SLC35D4: variants seen among roughly 807,000 people sequenced by gnomAD.
SLC35D4 encodes the protein solute carrier family 35 member D4.
chr18:23,278,026 G>A, the SLC35D4 span, among the ~76,000 whole-genome samples: 52 of 152,308 alleles, frequency 3.4e-4, no homozygotes, highest in Admixed American at 3.3e-3. Flanking sequence ...CAAGTCAGGA[G>A]GCTAGCCCAA....
the SLC35D4 span, among the ~76,000 whole-genome samples, chr18:23,410,524 G>A: frequency 6.6e-6 from 1 of 151,412 alleles, no homozygotes; most frequent in Non-Finnish European, 1.5e-5. Flanking sequence ...GGGGCTGGGG[G>A]CTGGGCGTAG....
chr18:23,283,341 C>T, the SLC35D4 span, among the ~76,000 whole-genome samples: 3 of 151,384 alleles, frequency 2.0e-5, no homozygotes, highest in African/African-American at 7.3e-5. Flanking sequence ...ATTAGCCAGG[C>T]ATGGTGGTGC....
the SLC35D4 span, among the ~76,000 whole-genome samples, chr18:23,301,490 A>G: frequency 6.6e-6 from 1 of 152,222 alleles, no homozygotes; most frequent in African/African-American, 2.4e-5. Flanking sequence ...CAAAGATTAT[A>G]TACGATCATT....
At chr18:23,300,401 T>A in the SLC35D4 span, among the ~76,000 whole-genome samples, 1 of 152,120 alleles carries the variant, frequency 6.6e-6, no homozygotes, top group Non-Finnish European at 1.5e-5. Context: ...CTCGGACATT[T>A]TATACACTTT....
chr18:23,345,210 G>A, the SLC35D4 span, among the ~76,000 whole-genome samples: 4 of 152,118 alleles, frequency 2.6e-5, no homozygotes, highest in Admixed American at 1.3e-4. Context: ...CTGGCCAGGC[G>A]CAGTGGCTCA....
the SLC35D4 span, among the ~76,000 whole-genome samples, chr18:23,397,582 T>C: frequency 6.6e-6 from 1 of 152,218 alleles, no homozygotes; most frequent in Non-Finnish European, 1.5e-5. Context: ...CCAAGACTTT[T>C]CAGTTATATG....
At chr18:23,251,914 A>C in the SLC35D4 span, among the ~76,000 whole-genome samples, 1 of 152,034 alleles carries the variant, frequency 6.6e-6, no homozygotes, top group South Asian at 2.1e-4. Context: ...GGTGAAACTC[A>C]GTCTCTCTTA....
At chr18:23,284,068 TTAGCATGCTAATG>T in the SLC35D4 span, among the ~76,000 whole-genome samples, 1 of 152,212 alleles carries the variant, frequency 6.6e-6, no homozygotes, top group East Asian at 1.9e-4. Flanking sequence ...AGAGTGTGTT[TTAGCATGCTAATG>T]TATTATAATT....
chr18:23,377,552 T>A, the SLC35D4 span: 1 of 1,213,412 alleles, frequency 8.2e-7, no homozygotes, highest in Non-Finnish European at 1.1e-6. Flanking sequence ...TTCTGCCACC[T>A]CTTAGAGTAT....
chr18:23,364,413 CTCCACG>C, the SLC35D4 span, among the ~76,000 whole-genome samples: 1 of 152,192 alleles, frequency 6.6e-6, no homozygotes, highest in African/African-American at 2.4e-5. Context: ...TTGCACCACA[CTCCACG>C]AAGCCACAAG....
the SLC35D4 span, among the ~76,000 whole-genome samples, chr18:23,350,673 A>G: frequency 1.3e-5 from 2 of 152,034 alleles, no homozygotes; most frequent in African/African-American, 4.8e-5. Flanking sequence ...AGGACTATCA[A>G]CTCAAGCTAG....
chr18:23,267,561 T>C, the SLC35D4 span, among the ~76,000 whole-genome samples: 3 of 152,164 alleles, frequency 2.0e-5, no homozygotes, highest in Non-Finnish European at 4.4e-5. Context: ...ACAGTTGCTC[T>C]TCCTGCTGCC....
the SLC35D4 span, among the ~76,000 whole-genome samples, chr18:23,408,540 G>C: frequency 1.3e-5 from 2 of 152,174 alleles, no homozygotes; most frequent in African/African-American, 4.8e-5. Context: ...GCTCTGAACA[G>C]AATTGCTGGT....
the SLC35D4 span, among the ~76,000 whole-genome samples, chr18:23,321,831 T>TA: frequency 6.6e-6 from 1 of 152,172 alleles, no homozygotes; most frequent in Non-Finnish European, 1.5e-5. Flanking sequence ...TTAATTAGCT[T>TA]AAAAAAATCA....
the SLC35D4 span, among the ~76,000 whole-genome samples, chr18:23,273,034 A>T: frequency 1.3e-5 from 2 of 152,190 alleles, no homozygotes; most frequent in African/African-American, 4.8e-5. Flanking sequence ...GTGAGCCGCA[A>T]TCAGCCTGGT....
chr18:23,356,701 G>A, the SLC35D4 span: 27 of 1,600,506 alleles, frequency 1.7e-5, no homozygotes, highest in African/African-American at 3.6e-4. The surrounding 1 kb of genome is among the most constrained non-coding windows in gnomAD (Gnocchi z 4.1). Flanking sequence ...TGACCCATGA[G>A]GCCTCACATG....
At chr18:23,365,784 T>C in the SLC35D4 span, 1 of 1,107,438 alleles carries the variant, frequency 9.0e-7, no homozygotes, top group Middle Eastern at 2.0e-4. Flanking sequence ...TTATCTGCAC[T>C]GACTCACTCT....
At chr18:23,348,248 G>A in the SLC35D4 span, among the ~76,000 whole-genome samples, 2 of 152,286 alleles carry the variant, frequency 1.3e-5, no homozygotes, top group South Asian at 4.1e-4. Context: ...TTGTCAACCA[G>A]CATACTATGT....
the SLC35D4 span, among the ~76,000 whole-genome samples, chr18:23,387,568 G>A: frequency 2.6e-5 from 4 of 152,214 alleles, no homozygotes; most frequent in South Asian, 2.1e-4. Flanking sequence ...AAATTATGCC[G>A]CTTGCCTACT....
Sources: gnomAD v4.1 joint callset for allele counts (sites outside exome capture counted in the v4.1 genomes callset) on GRCh38, gnomAD v4.1.1 for gene constraint, Gnocchi (gnomAD v3.1) non-coding constraint, MANE v1.5 for transcripts, NCBI Gene and HGNC (gene_info 2026-07-23, HGNC 2026-07-21) for gene names.